The following STAT3 variants were observed in gnomAD, a reference collection of about 807,000 sequenced individuals.
The protein encoded by STAT3 is signal transducer and activator of transcription 3, also known as DNA-binding protein APRF.
Under a neutral mutation model 114.3 loss-of-function variants are expected in STAT3, and 7 were observed. That is an observed-to-expected ratio of 0.06 (90% CI 0.03 to 0.11). The LOEUF is 0.11. Ranked by LOEUF, STAT3 falls within the 10% of genes least tolerant of loss-of-function variation. The pLI is 1.00. For synonymous variants in STAT3, 331 were observed against 354.5 expected, an observed-to-expected ratio of 0.93 and a Z score of 0.74; for missense variants, 364 against 960.9, an observed-to-expected ratio of 0.38 and a Z score of 8.21.
intron 23 of STAT3, chr17:42,316,163 CA>C: frequency 1.1e-6 from 1 of 935,074 alleles, no homozygotes; most frequent in Non-Finnish European, 1.4e-6. Flanking sequence ...CTGTGGCTGT[CA>C]AAAGCCCACT....
In STAT3 at chr17:42,388,423, C is replaced by G. The variant is rs972548069; in HGVS notation, c.-168G>C. 2.0e-5 allele frequency: 25 copies of G among 1,231,746 alleles called. No individual in the cohort carries two copies. The highest frequency in any genetic ancestry group is 3.1e-5 in the African/African-American group (2 of 64,424). 76.3% of individuals were successfully genotyped at this position (1,231,746 alleles called of 1,614,324 possible). ...GTGCCTGTCCAGGATCCGGTTGGGGCTTGTTCCCTCGGCTGCGACGTCGGA... is the reference window on the plus strand; with the variant it reads ...GTGCCTGTCCAGGATCCGGTTGGGGGTTGTTCCCTCGGCTGCGACGTCGGA... On this transcript the variant is annotated 5_prime_UTR_variant, in exon 1 of 24. Transcript: ENST00000264657.
At chr17:42,383,056 T>C (rs565905723) in intron 1 of STAT3, among the ~76,000 whole-genome samples, 1 of 152,158 alleles carries the variant, frequency 6.6e-6, no homozygotes, top group Admixed American at 6.5e-5. Context: ...TGAAGACATG[T>C]AGCATTCAGT....
chr17:42,355,548 A>G (rs1215729666), intron 1 of STAT3, among the ~76,000 whole-genome samples: 3 of 152,212 alleles, frequency 2.0e-5, no homozygotes, highest in African/African-American at 7.2e-5. Flanking sequence ...CCTGTTTTCT[A>G]TAACTGAAGA....
Position 42,333,913 on chromosome 17 carries a change from G to A in STAT3, c.934C>T (p.Leu312=), listed in dbSNP as rs1251699039. 4 of 1,614,194 alleles carry A rather than the reference G, an allele frequency of 2.5e-6. No individual in the cohort carries two copies. Among genetic ancestry groups the A allele is most frequent in the Admixed American group, 1.7e-5 (1 of 60,006 alleles). ...TACCTTTTCATTAAGTTTCTAAACA[G>A]CTCCACGATTCTCTCCTCCAGCATC... is the stretch of plus-strand genomic sequence containing the variant. The part of the protein sequence containing the change: ...RPMLEERIVE[L]FRNLMKSAFV... Residue 312 remains leucine (L), a synonymous_variant, in exon 9 of 24, where the codon CTG becomes TTG. Transcript: ENST00000264657. The surrounding 1 kb of genome is among the most constrained non-coding windows in gnomAD (Gnocchi z 5.2).
chr17:42,326,598 C>T (rs1029287214), intron 14 of STAT3, among the ~76,000 whole-genome samples: 8 of 152,078 alleles, frequency 5.3e-5, no homozygotes, highest in African/African-American at 1.9e-4. Flanking sequence ...GCAGGTGGAT[C>T]ACATGGTCAG....
chr17:42,352,466 C>T (rs1034767611), intron 1 of STAT3, among the ~76,000 whole-genome samples: 20 of 152,150 alleles, frequency 1.3e-4, no homozygotes, highest in Non-Finnish European at 7.3e-5. Context: ...GACGTGCATA[C>T]TATATGCTGA....
Position 42,325,075 on chromosome 17 carries a change from G to A in STAT3, c.1366-14C>T. 1 of 1,613,076 alleles carries A rather than the reference G, an allele frequency of 6.2e-7. No individual in the cohort carries two copies. Among genetic ancestry groups the A allele is most frequent in the Non-Finnish European group, 8.5e-7 (1 of 1,179,208 alleles). ...CAAGGAGTGGGTCTGCGGAGGGAGT[G>A]GGGACTGAGCTGGGGAGGCAGAGGG... On this transcript the variant is annotated splice_polypyrimidine_tract_variant and intron_variant, in intron 15 of 23. Coordinates refer to ENST00000264657, the MANE Select transcript of STAT3 (RefSeq NM_139276.3).
intron 21 of STAT3, among the ~76,000 whole-genome samples, chr17:42,319,214 G>C (rs17880904): frequency 2.0e-5 from 3 of 151,874 alleles, no homozygotes; most frequent in Non-Finnish European, 4.4e-5. Flanking sequence ...CTCCAGCCTG[G>C]GTGACAGAGT....
intron 14 of STAT3, among the ~76,000 whole-genome samples, chr17:42,327,852 C>A (rs17878909): frequency 2.0e-4 from 30 of 152,052 alleles, no homozygotes; most frequent in African/African-American, 7.2e-4. Flanking sequence ...TCAAGACCAG[C>A]CTGACCAATA....
rs574465248 is a variant in STAT3, at chr17:42,323,905, C to T, written c.1601-280G>A. 2.6e-5 allele frequency among the ~76,000 whole-genome samples: 4 copies of T among 152,344 alleles called. No individual in the cohort carries two copies. The South Asian group carries it at 8.3e-4, about 32-fold the overall frequency. On this transcript the variant is annotated intron_variant, in intron 17 of 23. Transcript: ENST00000264657. ...CGGGTGGTAGGCTGGGAACCAACAGCAGCACTCACTAACAAGCTGACATCG... is the reference window on the plus strand; with the variant it reads ...CGGGTGGTAGGCTGGGAACCAACAGTAGCACTCACTAACAAGCTGACATCG...
intron 4 of STAT3, among the ~76,000 whole-genome samples, chr17:42,342,663 C>T (rs765348784): frequency 1.3e-5 from 2 of 152,018 alleles, no homozygotes; most frequent in African/African-American, 2.4e-5. Context: ...GTTATCACTC[C>T]CATTGGAGGA....
intron 10 of STAT3, among the ~76,000 whole-genome samples, chr17:42,332,047 C>A (rs1022409300): frequency 1.3e-5 from 2 of 151,714 alleles, no homozygotes; most frequent in African/African-American, 4.8e-5. Flanking sequence ...CCTGCCTCAG[C>A]CTCTCAAGTA....
chr17:42,329,926 T>C, intron 11 of STAT3, 150 bp from the exon 12 acceptor site: 1 of 923,188 alleles, frequency 1.1e-6, no homozygotes, highest in Non-Finnish European at 1.7e-6. Context: ...CAGCGCAACA[T>C]AACACCTCTG....
chr17:42,354,115 G>A (rs991618805), intron 1 of STAT3, among the ~76,000 whole-genome samples: 7 of 148,400 alleles, frequency 4.7e-5, no homozygotes, highest in Non-Finnish European at 8.9e-5. Context: ...GGTTGTTGCT[G>A]TTCTTATTTT....
chr17:42,317,296 T>C (rs1448234753), intron 21 of STAT3, 72 bp from the exon 22 acceptor site: 1 of 1,553,166 alleles, frequency 6.4e-7, no homozygotes, highest in African/African-American at 1.4e-5. Flanking sequence ...GAGGAAGCCA[T>C]CTGCCTCGGC....
chr17:42,345,744 C>G (rs1001274079), intron 3 of STAT3, 87 bp from the exon 4 acceptor site: 14 of 1,215,106 alleles, frequency 1.2e-5, no homozygotes, highest in Non-Finnish European at 1.5e-5. Flanking sequence ...CTAATGTATT[C>G]ATCAAGGAAA....
At chr17:42,332,227 CCTAT>C (rs1478162005) in intron 10 of STAT3, among the ~76,000 whole-genome samples, 1 of 150,790 alleles carries the variant, frequency 6.6e-6, no homozygotes, top group African/African-American at 2.4e-5. Context: ...GTGCCTGGCC[CCTAT>C]CTCTCTCTTT....
In STAT3 at chr17:42,328,568, C is replaced by T. The variant is rs547638161; in HGVS notation, c.1281+842G>A. Among the ~76,000 whole-genome samples the T allele has an allele frequency of 3.3e-5, 5 of 152,278 alleles. No homozygotes were observed. In the South Asian group the frequency reaches 1.0e-3, roughly 32 times the overall value. On this transcript the variant is annotated intron_variant, in intron 14 of 23. Transcript: ENST00000264657. ...GACTACAGGCGTGCACCACCACACCCAGCTAATTTTTGTATCTTTAGTAGA... is the reference window on the plus strand; with the variant it reads ...GACTACAGGCGTGCACCACCACACCTAGCTAATTTTTGTATCTTTAGTAGA...
At chr17:42,346,765 CA>C in intron 2 of STAT3, 52 bp from the exon 3 acceptor site, 1 of 1,613,252 alleles carries the variant, frequency 6.2e-7, no homozygotes, top group Non-Finnish European at 8.5e-7. Flanking sequence ...CGCATACACA[CA>C]AACACAGAAA....
Sources: allele counts gnomAD v4.1 joint callset (sites outside exome capture counted in the v4.1 genomes callset), GRCh38; gene constraint gnomAD v4.1.1; non-coding constraint Gnocchi (gnomAD v3.1); transcripts MANE v1.5; gene names NCBI Gene and HGNC (gene_info 2026-07-23, HGNC 2026-07-21).